Variants in PDE1A observed in about 807,000 individuals in gnomAD.
PDE1A encodes phosphodiesterase 1A, also known as dual specificity calcium/calmodulin-dependent 3',5'-cyclic nucleotide phosphodiesterase 1A.
Under a neutral mutation model 61.7 loss-of-function variants are expected in PDE1A, and 35 were observed. The ratio of observed to expected loss-of-function variants is 0.57; its 90% CI spans 0.43 to 0.75. The LOEUF (loss-of-function observed/expected upper bound fraction) is 0.75, where lower values mean the gene tolerates loss of function less well. Among genes scored for constraint, PDE1A ranks in the 30% least tolerant of loss-of-function variants. The probability of loss-of-function intolerance (pLI) is 0.00; values close to 1 mark genes in which losing one functional copy is unlikely to be tolerated. For missense variants in PDE1A, 597 were observed against 630.6 expected (o/e 0.95, Z 0.57); for synonymous variants, 232 against 213.2 (o/e 1.09, Z -0.77).
chr2:182,502,849 A>G (rs1574814272), intron 2 of PDE1A, among the ~76,000 whole-genome samples: 2 of 152,264 alleles, frequency 1.3e-5, no homozygotes, highest in South Asian at 2.1e-4. Context: ...ATTTGTGCCT[A>G]TGGAGCTACC....
chr2:182,441,385 A>G (rs1684783623), intron 2 of PDE1A, among the ~76,000 whole-genome samples: 1 of 152,108 alleles, frequency 6.6e-6, no homozygotes, highest in Admixed American at 6.6e-5. Context: ...TTATTTGAGC[A>G]AAAGAATATT....
chr2:182,530,589 G>T, the PDE1A span, among the ~76,000 whole-genome samples: 1 of 152,104 alleles, frequency 6.6e-6, no homozygotes, highest in Non-Finnish European at 1.5e-5. Context: ...TTTGTCATCA[G>T]AAACCATAGA....
At chr2:182,358,140 A>G (rs1699301194) in intron 1 of PDE1A, among the ~76,000 whole-genome samples, 1 of 152,076 alleles carries the variant, frequency 6.6e-6, no homozygotes, top group African/African-American at 2.4e-5. Flanking sequence ...CTTTTTAGGG[A>G]CGAATCCGAT....
At chr2:182,463,423 G>T (rs998494050) in intron 2 of PDE1A, among the ~76,000 whole-genome samples, 1 of 151,830 alleles carries the variant, frequency 6.6e-6, no homozygotes, top group African/African-American at 2.4e-5. Context: ...GTTATCCCTC[G>T]GCCTTCAACC....
chr2:182,362,352 A>G (rs1699559803), intron 1 of PDE1A, among the ~76,000 whole-genome samples: 1 of 151,936 alleles, frequency 6.6e-6, no homozygotes, highest in African/African-American at 2.4e-5. Context: ...AAAAAGTAGA[A>G]ATAGAACAGA....
At chr2:182,460,668 T>A (rs997658548) in intron 2 of PDE1A, among the ~76,000 whole-genome samples, 1 of 152,154 alleles carries the variant, frequency 6.6e-6, no homozygotes, top group Non-Finnish European at 1.5e-5. Context: ...TTGGATTAAG[T>A]ATGCATAAAC....
At chr2:182,457,587 T>C (rs1424760477) in intron 2 of PDE1A, among the ~76,000 whole-genome samples, 1 of 151,980 alleles carries the variant, frequency 6.6e-6, no homozygotes, top group Non-Finnish European at 1.5e-5. Context: ...CCAAAGTAGA[T>C]TAATGCTGAT....
chr2:182,566,392 A>T, the PDE1A span, among the ~76,000 whole-genome samples: 6 of 152,158 alleles, frequency 3.9e-5, no homozygotes, highest in East Asian at 9.6e-4. Flanking sequence ...AATAATTAAC[A>T]ATGAACATTA....
At chr2:182,606,007 ATAGGAT>A in the PDE1A span, among the ~76,000 whole-genome samples, 1 of 152,118 alleles carries the variant, frequency 6.6e-6, no homozygotes, top group African/African-American at 2.4e-5. Context: ...GACTTTGTCA[ATAGGAT>A]ATCATGCCAT....
the PDE1A span, among the ~76,000 whole-genome samples, chr2:182,560,693 G>A: frequency 6.6e-6 from 1 of 152,088 alleles, no homozygotes; most frequent in Non-Finnish European, 1.5e-5. Flanking sequence ...GTGTAAAAGT[G>A]TTCCTATTTC....
intron 1 of PDE1A, among the ~76,000 whole-genome samples, chr2:182,274,605 G>A (rs1031974466): frequency 1.3e-5 from 2 of 152,054 alleles, no homozygotes; most frequent in African/African-American, 2.4e-5. Flanking sequence ...CAAAAGAATT[G>A]ATTGAGAAGA....
chr2:182,293,291 C>A (rs1049450898), intron 1 of PDE1A, among the ~76,000 whole-genome samples: 2 of 151,928 alleles, frequency 1.3e-5, no homozygotes, highest in Middle Eastern at 3.2e-3. Context: ...ACGCAACAAC[C>A]CTTGTATCAT....
At chr2:182,157,014 AT>A (rs201637207) in intron 13 of PDE1A, among the ~76,000 whole-genome samples, 4 of 81,980 alleles carry the variant, frequency 4.9e-5, no homozygotes, top group Non-Finnish European at 7.1e-5. Flanking sequence ...ATTTTATTTT[AT>A]TTTATTTTTT....
the PDE1A span, among the ~76,000 whole-genome samples, chr2:182,543,306 T>A: frequency 5.3e-5 from 8 of 152,354 alleles, no homozygotes; most frequent in African/African-American, 1.9e-4. Context: ...GTATGATTAA[T>A]TCTAAGTAGC....
intron 1 of PDE1A, among the ~76,000 whole-genome samples, chr2:182,374,060 A>G (rs983194328): frequency 2.6e-5 from 4 of 152,174 alleles, no homozygotes; most frequent in Non-Finnish European, 5.9e-5. Flanking sequence ...GGTGGAGGAG[A>G]AATATTAGAT....
intron 2 of PDE1A, among the ~76,000 whole-genome samples, chr2:182,467,845 C>T (rs1023182174): frequency 1.3e-5 from 2 of 151,828 alleles, no homozygotes; most frequent in Non-Finnish European, 2.9e-5. Context: ...TCTAGTCTAC[C>T]ACAATAAAGC....
chr2:182,453,099 C>A (rs1335155885), intron 2 of PDE1A, among the ~76,000 whole-genome samples: 1 of 152,030 alleles, frequency 6.6e-6, no homozygotes, highest in Non-Finnish European at 1.5e-5. Flanking sequence ...TTTCATGTGA[C>A]CAGAAGTGAC....
chr2:182,637,033 AATT>A, the PDE1A span, among the ~76,000 whole-genome samples: 4 of 152,194 alleles, frequency 2.6e-5, no homozygotes, highest in African/African-American at 9.7e-5. Flanking sequence ...CTGAAAAAAC[AATT>A]ATTTACTTTT....
At chr2:182,311,104 G>T (rs949353075) in intron 1 of PDE1A, among the ~76,000 whole-genome samples, 8 of 152,176 alleles carry the variant, frequency 5.3e-5, no homozygotes, top group African/African-American at 1.4e-4. Flanking sequence ...TGCCATGTGG[G>T]CAAGAAATAT....
Sources: allele counts gnomAD v4.1 joint callset (sites outside exome capture counted in the v4.1 genomes callset), GRCh38; gene constraint gnomAD v4.1.1; transcripts MANE v1.5; gene names NCBI Gene and HGNC (gene_info 2026-07-23, HGNC 2026-07-21).